The following GRIA4 variants were observed in gnomAD, a reference collection of about 807,000 sequenced individuals.
GRIA4 encodes glutamate ionotropic receptor AMPA type subunit 4.
GRIA4 carries 34 observed loss-of-function variants against 104.0 expected under a neutral mutation model. The ratio of observed to expected loss-of-function variants is 0.33; its 90% confidence interval spans 0.25 to 0.44. The LOEUF is 0.44. Ranked by LOEUF, GRIA4 falls within the 20% of genes least tolerant of loss-of-function variation. The probability of loss-of-function intolerance (pLI) is 1.00; values close to 1 mark genes in which losing one functional copy is unlikely to be tolerated. For missense variants in GRIA4, 750 were observed against 1,096.5 expected (o/e 0.68, Z 4.46); for synonymous variants, 386 against 381.9 (o/e 1.01, Z -0.13).
intron 10 of GRIA4, among the ~76,000 whole-genome samples, chr11:105,916,687 C>G (rs938219202): frequency 6.6e-6 from 1 of 152,136 alleles, no homozygotes; most frequent in Non-Finnish European, 1.5e-5. Flanking sequence ...TAAATACTAG[C>G]TAGAGAAACT....
chr11:105,852,370 T>G (rs1424571600), intron 4 of GRIA4, among the ~76,000 whole-genome samples: 2 of 152,186 alleles, frequency 1.3e-5, no homozygotes, highest in African/African-American at 4.8e-5. Flanking sequence ...AGCTGATTTT[T>G]ATTTACAGCT....
At chr11:105,725,529 C>T (rs1010239445) in intron 3 of GRIA4, among the ~76,000 whole-genome samples, 1 of 152,044 alleles carries the variant, frequency 6.6e-6, no homozygotes, top group African/African-American at 2.4e-5. Context: ...GTGTCGAAAC[C>T]ACATGATTTA....
intron 3 of GRIA4, among the ~76,000 whole-genome samples, chr11:105,702,761 C>G (rs1487041789): frequency 8.1e-6 from 1 of 123,638 alleles, no homozygotes; most frequent in Non-Finnish European, 1.6e-5. Flanking sequence ...GAGGCATGAT[C>G]TCTGCTCACT....
At chr11:105,680,359 G>C (rs1427317587) in intron 3 of GRIA4, among the ~76,000 whole-genome samples, 3 of 152,072 alleles carry the variant, frequency 2.0e-5, no homozygotes, top group Non-Finnish European at 4.4e-5. Context: ...TGTTGATTCT[G>C]AGCATATACA....
At chr11:105,887,422 G>T in intron 5 of GRIA4, 97 bp from the exon 6 acceptor site, 1 of 569,056 alleles carries the variant, frequency 1.8e-6, no homozygotes, top group South Asian at 2.6e-5. Flanking sequence ...TTCCCATCAT[G>T]ATTCTACATG....
chr11:105,674,988 A>G (rs1050295082), intron 3 of GRIA4, among the ~76,000 whole-genome samples: 1 of 151,868 alleles, frequency 6.6e-6, no homozygotes, highest in Non-Finnish European at 1.5e-5. Flanking sequence ...GTAACAAGGG[A>G]AATCCCTGCA....
At chr11:105,647,578 T>C (rs777188266) in intron 3 of GRIA4, among the ~76,000 whole-genome samples, 8 of 151,970 alleles carry the variant, frequency 5.3e-5, no homozygotes, top group Non-Finnish European at 1.0e-4. Flanking sequence ...TAAAGAAAAA[T>C]GTGGTGCACA....
intron 4 of GRIA4, among the ~76,000 whole-genome samples, chr11:105,818,571 C>T (rs143928006): frequency 5.5e-4 from 83 of 152,132 alleles, no homozygotes; most frequent in African/African-American, 1.8e-3. Flanking sequence ...GATAGCATTC[C>T]CAGAATGTTC....
intron 4 of GRIA4, among the ~76,000 whole-genome samples, chr11:105,778,004 C>T (rs1941529439): frequency 6.6e-6 from 1 of 152,202 alleles, no homozygotes; most frequent in South Asian, 2.1e-4. Context: ...TATTTTCCTA[C>T]AGTCCAGCTT....
chr11:105,693,128 A>G (rs1208718244), intron 3 of GRIA4, among the ~76,000 whole-genome samples: 2 of 152,200 alleles, frequency 1.3e-5, no homozygotes, highest in African/African-American at 4.8e-5. Flanking sequence ...TCATAAACAA[A>G]TAAAACAAAG....
chr11:105,888,855 G>C (rs1277314752), intron 6 of GRIA4, among the ~76,000 whole-genome samples: 1 of 152,114 alleles, frequency 6.6e-6, no homozygotes, highest in African/African-American at 2.4e-5. Context: ...GGATTATCAT[G>C]AAAATACTGA....
At chr11:105,875,726 G>A (rs1456857982) in intron 5 of GRIA4, among the ~76,000 whole-genome samples, 1 of 151,942 alleles carries the variant, frequency 6.6e-6, no homozygotes, top group Non-Finnish European at 1.5e-5. Context: ...ATTCTCTGAT[G>A]GTAGTTTGTA....
At chr11:105,663,899 C>T (rs1348512166) in intron 3 of GRIA4, among the ~76,000 whole-genome samples, 2 of 151,454 alleles carry the variant, frequency 1.3e-5, no homozygotes, top group African/African-American at 4.9e-5. Context: ...TTTCATTCGT[C>T]TTTGTGAACC....
Position 105,981,592 on chromosome 11 carries a change from A to ACACACACACACACACACACACACACACAC in GRIA4, c.*1853_*1854insCACACACACACACACACACACACACACAC. ...ACACACACACACACACACACACACA[A>ACACACACACACACACACACACACACACAC]GTCCCTCAGGAAAAATTCCAAGCTC... On this transcript the variant is annotated 3_prime_UTR_variant, in exon 17 of 17. Transcript: ENST00000282499. The ACACACACACACACACACACACACACACAC allele has an allele frequency of 2.2e-5, 1 of 46,110 alleles. No homozygotes were observed. The highest frequency in any genetic ancestry group is 5.1e-5 in the Non-Finnish European group (1 of 19,440). The allele number at this position is 46,110 out of a possible 1,614,324, so 2.9% of individuals were successfully genotyped here.
chr11:105,617,962 G>A (rs1441065748), intron 3 of GRIA4, among the ~76,000 whole-genome samples: 1 of 151,966 alleles, frequency 6.6e-6, no homozygotes, highest in African/African-American at 2.4e-5. Context: ...ACTTGGCATG[G>A]CATCCTAAGG....
chr11:105,845,734 A>G (rs1441897544), intron 4 of GRIA4, among the ~76,000 whole-genome samples: 1 of 152,060 alleles, frequency 6.6e-6, no homozygotes, highest in Non-Finnish European at 1.5e-5. Flanking sequence ...ATACAAAAAA[A>G]TTAGCCAGGT....
chr11:105,854,224 C>T (rs1164485939), intron 4 of GRIA4, among the ~76,000 whole-genome samples: 1 of 151,964 alleles, frequency 6.6e-6, no homozygotes, highest in African/African-American at 2.4e-5. Flanking sequence ...GAAAGTAAAG[C>T]AGAGAAGAGG....
At chr11:105,913,297 T>C (rs1184691946) in intron 10 of GRIA4, 6 of 577,616 alleles carry the variant, frequency 1.0e-5, no homozygotes, top group Non-Finnish European at 1.3e-5. Flanking sequence ...TTAGCTTTTA[T>C]GGCTGTTGAA....
intron 3 of GRIA4, among the ~76,000 whole-genome samples, chr11:105,670,750 A>C (rs1444544881): frequency 6.6e-6 from 1 of 152,152 alleles, no homozygotes; most frequent in East Asian, 1.9e-4. Flanking sequence ...GTGGGATCAA[A>C]GCCAATGCCT....
Sources: allele counts gnomAD v4.1 joint callset (sites outside exome capture counted in the v4.1 genomes callset), GRCh38; gene constraint gnomAD v4.1.1; transcripts MANE v1.5; gene names NCBI Gene and HGNC (gene_info 2026-07-23, HGNC 2026-07-21).